HS3ST2: variants seen among roughly 807,000 people sequenced by gnomAD.
The protein encoded by HS3ST2 is heparan sulfate glucosamine 3-O-sulfotransferase 2.
In HS3ST2, 17 loss-of-function variants were observed where a neutral mutation model predicts 26.3. That is an observed-to-expected ratio of 0.65 (90% CI 0.44 to 0.97). The LOEUF is 0.97. HS3ST2 is among the 50% of genes least tolerant of loss of function. The pLI, the probability that HS3ST2 is intolerant of heterozygous loss-of-function variation, is 0.00. For missense variants in HS3ST2, 402 were observed against 501.2 expected, an observed-to-expected ratio of 0.80 and a Z score of 1.89; for synonymous variants, 237 against 219.2, an observed-to-expected ratio of 1.08 and a Z score of -0.72.
chr16:22,878,174 T>C lies in HS3ST2; in HGVS notation c.486-36770T>C, dbSNP rs368111644. Among the ~76,000 whole-genome samples the C allele has an allele frequency of 1.6e-4, 25 of 152,374 alleles. No individual in the cohort carries two copies. The East Asian group carries it at 3.5e-3, about 21-fold the overall frequency. On this transcript the variant is annotated intron_variant, in intron 1 of 1. Coordinates refer to ENST00000261374, the MANE Select transcript of HS3ST2 (RefSeq NM_006043.2). ...TATTTAGAATTTATTGTGTACATTA[T>C]GATGTCTTAAACTTCTGTCATTCAT...
At chr16:22,853,333 G>A (rs1281975167) in intron 1 of HS3ST2, among the ~76,000 whole-genome samples, 8 of 152,110 alleles carry the variant, frequency 5.3e-5, no homozygotes, top group Non-Finnish European at 1.0e-4. Context: ...GGGTTCTTTT[G>A]GTCAACCTAA....
intron 1 of HS3ST2, among the ~76,000 whole-genome samples, chr16:22,871,560 A>T (rs1270226978): frequency 6.6e-6 from 1 of 152,194 alleles, no homozygotes; most frequent in Non-Finnish European, 1.5e-5. Flanking sequence ...TTAAGTTGAC[A>T]ATCATCTATA....
chr16:22,888,373 C>CTTTTCTTTT (rs1902088836), intron 1 of HS3ST2, among the ~76,000 whole-genome samples: 1 of 61,306 alleles, frequency 1.6e-5, no homozygotes, highest in African/African-American at 6.4e-5. Context: ...TCTGGCTTTT[C>CTTTTCTTTT]TTTTTTTTTT....
At chr16:22,870,558 T>A (rs1409576222) in intron 1 of HS3ST2, among the ~76,000 whole-genome samples, 2 of 152,178 alleles carry the variant, frequency 1.3e-5, no homozygotes, top group Non-Finnish European at 2.9e-5. Flanking sequence ...CTGTTCCTGT[T>A]TGTCTCTCTG....
intron 1 of HS3ST2, among the ~76,000 whole-genome samples, chr16:22,906,752 A>T (rs1013112136): frequency 6.6e-5 from 10 of 152,244 alleles, no homozygotes; most frequent in African/African-American, 2.4e-4. Flanking sequence ...CCAAGGCCAG[A>T]ATGCTAAAAA....
At chr16:22,828,310 C>T (rs192735235) in intron 1 of HS3ST2, among the ~76,000 whole-genome samples, 17 of 152,254 alleles carry the variant, frequency 1.1e-4, no homozygotes, top group African/African-American at 3.6e-4. Context: ...CCTCTTCCAA[C>T]CCAGAAAAGG....
At chr16:22,868,405 C>CAAAAAAA (rs77630354) in intron 1 of HS3ST2, among the ~76,000 whole-genome samples, 9 of 43,502 alleles carry the variant, frequency 2.1e-4, no homozygotes, top group Admixed American at 5.2e-4. Flanking sequence ...AAGACTCCAT[C>CAAAAAAA]AAAAAAAAAA....
intron 1 of HS3ST2, among the ~76,000 whole-genome samples, chr16:22,828,406 C>T (rs1447820536): frequency 1.3e-5 from 2 of 152,280 alleles, no homozygotes; most frequent in Middle Eastern, 3.4e-3. Context: ...GCCATGATGA[C>T]ACTGCCAAAA....
chr16:22,860,856 T>C (rs533395651), intron 1 of HS3ST2, among the ~76,000 whole-genome samples: 141 of 150,326 alleles, frequency 9.4e-4, no homozygotes, highest in African/African-American at 3.3e-3. Context: ...AATATAGTAA[T>C]AGATAAATAT....
intron 1 of HS3ST2, among the ~76,000 whole-genome samples, chr16:22,870,073 C>A (rs1488368321): frequency 1.3e-5 from 2 of 152,112 alleles, no homozygotes; most frequent in Non-Finnish European, 2.9e-5. Context: ...GGTAAGGAAA[C>A]TGAGGCTTAG....
Position 22,900,487 on chromosome 16 carries a change from G to A in HS3ST2, c.486-14457G>A, listed in dbSNP as rs534271605. Among the ~76,000 whole-genome samples, 144 of 152,274 alleles carry A rather than the reference G, an allele frequency of 9.5e-4. 1 individual carries two copies. The highest frequency in any genetic ancestry group is 6.8e-3 in the Middle Eastern group (2 of 294). The stretch of plus-strand genomic sequence containing the variant: ...AGTGAAGAGAGCTGTGGTGGGTCCT[G>A]AGCTGGCTGGGACAGACGTCAGAAG... On this transcript the variant is annotated intron_variant, in intron 1 of 1. Transcript: ENST00000261374.
At position 22,814,747 on chromosome 16, in the gene HS3ST2, G is replaced by C; in HGVS notation, c.137G>C (p.Arg46Pro). The C allele has an allele frequency of 1.2e-6, 2 of 1,608,050 alleles. No homozygotes were observed. The highest frequency in any genetic ancestry group is 2.2e-5 in the South Asian group (2 of 90,430). ...CTGTGCTGCTGCGACGACCTGGGTC[G>C]GAGCCGCCTCCTCGGCGCGCCTCGC... ...SFLCCCDDLG[R>P]SRLLGAPRCL... The change falls in exon 1 of 2, where the codon CGG becomes CCG. Residue 46 changes from arginine to proline, a missense_variant. Coordinates refer to ENST00000261374, the MANE Select transcript of HS3ST2 (RefSeq NM_006043.2).
intron 1 of HS3ST2, among the ~76,000 whole-genome samples, chr16:22,910,336 C>T (rs1222906174): frequency 2.6e-5 from 4 of 152,158 alleles, no homozygotes; most frequent in Admixed American, 6.5e-5. Context: ...CCAGGGAAGA[C>T]ATTTATTGCA....
chr16:22,859,513 T>TC lies in HS3ST2; in HGVS notation c.485+44419dup, dbSNP rs559693954. ...ATACTCATTTTCAGTGTTATAGCTG[T>TC]CAGATTCCTTACATCTTTTATGAGT... On this transcript the variant is annotated intron_variant, in intron 1 of 1. Coordinates refer to ENST00000261374, the MANE Select transcript of HS3ST2 (RefSeq NM_006043.2). 3.8e-3 allele frequency among the ~76,000 whole-genome samples: 573 copies of TC among 152,320 alleles called. 2 individuals are homozygous for TC. The highest frequency in any genetic ancestry group is 5.4e-3 in the Non-Finnish European group (369 of 68,032).
chr16:22,888,258 G>A (rs1025985992), intron 1 of HS3ST2, among the ~76,000 whole-genome samples: 2 of 151,896 alleles, frequency 1.3e-5, no homozygotes, highest in African/African-American at 2.4e-5. Context: ...TAAACCAGTC[G>A]CTATTCTTTC....
intron 1 of HS3ST2, among the ~76,000 whole-genome samples, chr16:22,856,429 G>A (rs1048091796): frequency 2.0e-5 from 3 of 152,148 alleles, no homozygotes; most frequent in Admixed American, 1.3e-4. Flanking sequence ...TCCTGATGCA[G>A]TTTCTTCAGA....
Position 22,825,891 on chromosome 16 carries a change from C to T in HS3ST2, c.485+10796C>T, listed in dbSNP as rs190670508. ...TACAAAAATTAGCTGGGCGTGGTGG[C>T]GTGCGCCTGTATTCCCAGCTACTTG... On this transcript the variant is annotated intron_variant, in intron 1 of 1. Transcript: ENST00000261374. Among the ~76,000 whole-genome samples the T allele has an allele frequency of 5.3e-5, 8 of 152,214 alleles. No homozygotes were observed. The East Asian group carries it at 9.7e-4, about 18-fold the overall frequency.
chr16:22,870,878 C>G lies in HS3ST2; in HGVS notation c.486-44066C>G, dbSNP rs185911705. ...CTTATAACCACCTAATGTGGTTTAA[C>G]TGTTAGATATAGATGATCCGTAACT... On this transcript the variant is annotated intron_variant, in intron 1 of 1. Transcript: ENST00000261374. Among the ~76,000 whole-genome samples the G allele has an allele frequency of 5.3e-5, 8 of 152,264 alleles. No individual in the cohort carries two copies. In the East Asian group the frequency reaches 1.5e-3, roughly 29 times the overall value.
Position 22,824,341 on chromosome 16 carries a change from G to T in HS3ST2, c.485+9246G>T, listed in dbSNP as rs141111195. 2.8e-3 allele frequency among the ~76,000 whole-genome samples: 421 copies of T among 152,290 alleles called. 2 individuals are homozygous for T. Among genetic ancestry groups the T allele is most frequent in the African/African-American group, 9.8e-3 (406 of 41,562 alleles). On this transcript the variant is annotated intron_variant, in intron 1 of 1. Transcript: ENST00000261374. ...AGGCAGGTGGATCACGAGGTCAGGA[G>T]ATCGAGACCATCTGGTTAACAGAGT...
Sources: gnomAD v4.1 joint callset for allele counts (sites outside exome capture counted in the v4.1 genomes callset) on GRCh38, gnomAD v4.1.1 for gene constraint, MANE v1.5 for transcripts, NCBI Gene and HGNC (gene_info 2026-07-23, HGNC 2026-07-21) for gene names.